Variants in SCGN observed in about 807,000 individuals in gnomAD.
The protein encoded by SCGN is secretagogin.
Under a neutral mutation model 39.7 loss-of-function variants are expected in SCGN, and 30 were observed. The ratio of observed to expected loss-of-function variants is 0.76; its 90% confidence interval spans 0.57 to 1.03. The LOEUF (loss-of-function observed/expected upper bound fraction) is 1.03, where lower values mean the gene tolerates loss of function less well. Ranked by LOEUF, SCGN falls within the 50% of genes least tolerant of loss-of-function variation. The pLI is 0.00. For missense variants in SCGN, 353 were observed against 349.4 expected, an observed-to-expected ratio of 1.01 and a Z score of -0.08; for synonymous variants, 106 against 114.1, an observed-to-expected ratio of 0.93 and a Z score of 0.45.
At position 25,652,453 on chromosome 6, in the gene SCGN, T is replaced by G. The variant is rs1760151409; in HGVS notation, c.50T>G (p.Phe17Cys). The change falls in exon 1 of 11, where the codon TTC becomes TGC. Residue 17 changes from phenylalanine to cysteine, a missense_variant. By Grantham distance (205) the Phe-to-Cys change is radical. Coordinates refer to ENST00000377961, the MANE Select transcript of SCGN (RefSeq NM_006998.4). ...CTGGGGCGCTTGGACGCCGCTGGCT[T>G]CTGGCAGGTCTGGCAGCGCTTTGAT... Reference protein sequence around the residue: ...PTLGRLDAAGFWQVWQRFDAD... With the variant: ...PTLGRLDAAGCWQVWQRFDAD... The G allele has an allele frequency of 6.2e-7, 1 of 1,613,928 alleles. No individual in the cohort carries two copies.
At position 25,670,044 on chromosome 6, in the gene SCGN, G is replaced by A. The variant is rs761003618; in HGVS notation, c.439G>A (p.Glu147Lys). 1 of 1,613,646 alleles carries A rather than the reference G, an allele frequency of 6.2e-7. No individual in the cohort carries two copies. The highest frequency in any genetic ancestry group is 1.1e-5 in the South Asian group (1 of 91,040). Residue 147 changes from glutamate (E) to lysine (K), a missense_variant, in exon 6 of 11, where the codon GAG becomes AAG. Glu to Lys is a moderately conservative substitution (Grantham distance 56). Coordinates refer to ENST00000377961, the MANE Select transcript of SCGN (RefSeq NM_006998.4). ...TCTTCACCACAAAAAGGCCATTTCT[G>A]AGGCTAAACTGGAAGAATACACTGG... ...LFLHHKKAIS[E>K]AKLEEYTGTM... is the part of the protein sequence containing the mutation.
At chr6:25,680,512 A>G (rs1278575855) in intron 6 of SCGN, among the ~76,000 whole-genome samples, 3 of 152,178 alleles carry the variant, frequency 2.0e-5, no homozygotes, top group Admixed American at 6.5e-5. Flanking sequence ...ACCCAGGCCA[A>G]TTTCGAGCAC....
intron 7 of SCGN, among the ~76,000 whole-genome samples, chr6:25,688,005 T>C (rs936786101): frequency 1.3e-5 from 2 of 152,220 alleles, no homozygotes; most frequent in East Asian, 3.8e-4. Flanking sequence ...TCCTCCTTTC[T>C]GTTGTTAAAA....
chr6:25,696,649 C>G (rs1759841479), intron 10 of SCGN, among the ~76,000 whole-genome samples: 1 of 152,106 alleles, frequency 6.6e-6, no homozygotes, highest in Non-Finnish European at 1.5e-5. Context: ...TCCTGGGATC[C>G]ATTGTCAAGT....
intron 2 of SCGN, among the ~76,000 whole-genome samples, chr6:25,659,567 T>C (rs1215946618): frequency 6.6e-6 from 1 of 152,242 alleles, no homozygotes; most frequent in Non-Finnish European, 1.5e-5. Flanking sequence ...TTTATTCTTT[T>C]GCTTCTAAAT....
chr6:25,689,157 T>A lies in SCGN; in HGVS notation c.528-15T>A. On this transcript the variant is annotated splice_polypyrimidine_tract_variant and intron_variant, in intron 7 of 10. Transcript: ENST00000377961. ...TGAACGATCCTTACGTGGATTTTTTTTTTTTTCTATTTAGGATTCTGGCTC... is the reference window on the plus strand; with the variant it reads ...TGAACGATCCTTACGTGGATTTTTTATTTTTTCTATTTAGGATTCTGGCTC... 1 of 1,566,946 alleles carries A rather than the reference T, an allele frequency of 6.4e-7. No individual in the cohort carries two copies. The highest frequency in any genetic ancestry group is 8.7e-7 in the Non-Finnish European group (1 of 1,151,434).
intron 10 of SCGN, among the ~76,000 whole-genome samples, chr6:25,695,384 C>A (rs1759825580): frequency 3.3e-5 from 5 of 152,100 alleles, no homozygotes; most frequent in Admixed American, 3.3e-4. Flanking sequence ...TCTCTAGCCA[C>A]CCCCCTCCAC....
chr6:25,669,543 C>CT lies in SCGN; in HGVS notation c.372dup (p.Ile125TyrfsTer5). 6.2e-7 allele frequency: 1 copy of CT among 1,613,344 alleles called. No homozygotes were observed. Among genetic ancestry groups the CT allele is most frequent in the Non-Finnish European group, 8.5e-7 (1 of 1,179,394 alleles). Reference sequence around the variant, plus strand: ...GCAAATATGACGCTGACAGCAGTGGCTTTATATCAGCTGCTGAGCTCCGCG... The same window carrying CT: ...GCAAATATGACGCTGACAGCAGTGGCTTTTATATCAGCTGCTGAGCTCCGCG... On this transcript the variant is annotated frameshift_variant, in exon 5 of 11. Coordinates refer to ENST00000377961, the MANE Select transcript of SCGN (RefSeq NM_006998.4). LOFTEE classifies it high-confidence loss of function.
intron 6 of SCGN, among the ~76,000 whole-genome samples, chr6:25,680,414 A>G (rs562434535): frequency 1.3e-5 from 2 of 152,054 alleles, no homozygotes; most frequent in Non-Finnish European, 2.9e-5. Flanking sequence ...TAGGCAAATG[A>G]TTTTTTTCCT....
chr6:25,666,292 T>A (rs903870623), intron 4 of SCGN, among the ~76,000 whole-genome samples: 1 of 151,536 alleles, frequency 6.6e-6, no homozygotes, highest in Non-Finnish European at 1.5e-5. Flanking sequence ...GGAGGCGGAG[T>A]TGTAGTGAGC....
intron 2 of SCGN, among the ~76,000 whole-genome samples, chr6:25,660,896 A>G (rs1475342114): frequency 6.6e-6 from 1 of 152,200 alleles, no homozygotes; most frequent in African/African-American, 2.4e-5. Flanking sequence ...GGGATTATCT[A>G]TGCTTCTCAA....
chr6:25,693,804 C>A (rs1213042314), intron 10 of SCGN, among the ~76,000 whole-genome samples: 6 of 152,138 alleles, frequency 3.9e-5, no homozygotes, highest in African/African-American at 1.4e-4. Context: ...GATGAGAATT[C>A]GAGCTAAGAA....
At chr6:25,681,661 G>T (rs1387791854) in intron 6 of SCGN, among the ~76,000 whole-genome samples, 1 of 152,094 alleles carries the variant, frequency 6.6e-6, no homozygotes, top group East Asian at 1.9e-4. Flanking sequence ...ACTCCATGTC[G>T]CCAGAGTATA....
intron 7 of SCGN, among the ~76,000 whole-genome samples, chr6:25,688,179 T>A (rs1341256499): frequency 6.6e-6 from 1 of 152,228 alleles, no homozygotes; most frequent in Non-Finnish European, 1.5e-5. Context: ...CTTTATTGTT[T>A]CATGTGGATT....
intron 2 of SCGN, among the ~76,000 whole-genome samples, chr6:25,658,426 C>T (rs1760266644): frequency 6.6e-6 from 1 of 151,944 alleles, no homozygotes; most frequent in African/African-American, 2.4e-5. Flanking sequence ...TTGACAGAGT[C>T]AGACTGTCTA....
chr6:25,692,568 C>T (rs1290478994), intron 10 of SCGN, among the ~76,000 whole-genome samples: 1 of 152,200 alleles, frequency 6.6e-6, no homozygotes, highest in Admixed American at 6.5e-5. Flanking sequence ...ACCAAATCAA[C>T]CTCCCTTCTT....
At chr6:25,679,667 A>G (rs918630694) in intron 6 of SCGN, among the ~76,000 whole-genome samples, 1 of 152,178 alleles carries the variant, frequency 6.6e-6, no homozygotes, top group Non-Finnish European at 1.5e-5. Flanking sequence ...AATGAACTAT[A>G]TAAGCATGAA....
intron 6 of SCGN, among the ~76,000 whole-genome samples, chr6:25,671,420 G>C (rs1175539293): frequency 6.6e-6 from 1 of 152,166 alleles, no homozygotes; most frequent in Non-Finnish European, 1.5e-5. Context: ...CTCTGAATGT[G>C]CCCCCAGTCA....
At chr6:25,663,671 G>T (rs1296465339) in intron 3 of SCGN, among the ~76,000 whole-genome samples, 2 of 152,242 alleles carry the variant, frequency 1.3e-5, no homozygotes, top group Middle Eastern at 6.8e-3. Context: ...TCACTCTAAA[G>T]CCTATAACAC....
Sources: gnomAD v4.1 joint callset for allele counts (sites outside exome capture counted in the v4.1 genomes callset) on GRCh38, gnomAD v4.1.1 for gene constraint, MANE v1.5 for transcripts, NCBI Gene and HGNC (gene_info 2026-07-23, HGNC 2026-07-21) for gene names.